The following SEMA3D variants were observed in gnomAD, a reference collection of about 807,000 sequenced individuals.
The protein encoded by SEMA3D is semaphorin-3D.
SEMA3D carries 84 observed loss-of-function variants against 100.1 expected under a neutral mutation model. The observed-to-expected ratio is 0.84, with a 90% CI of 0.70 to 1.01. The LOEUF (loss-of-function observed/expected upper bound fraction) is 1.01. SEMA3D is among the 50% of genes least tolerant of loss of function. SEMA3D has a pLI of 0.00. For missense variants in SEMA3D, 875 were observed against 934.1 expected, an observed-to-expected ratio of 0.94 and a Z score of 0.82; for synonymous variants, 312 against 320.7, an observed-to-expected ratio of 0.97 and a Z score of 0.29.
the SEMA3D span, among the ~76,000 whole-genome samples, chr7:85,246,604 G>A: frequency 6.6e-6 from 1 of 151,934 alleles, no homozygotes; most frequent in East Asian, 1.9e-4. Context: ...ATTTCTACTA[G>A]TTTGTGTAAA....
At chr7:85,020,876 T>C (rs1449674225) in intron 13 of SEMA3D, among the ~76,000 whole-genome samples, 1 of 151,576 alleles carries the variant, frequency 6.6e-6, no homozygotes, top group Non-Finnish European at 1.5e-5. Flanking sequence ...AGATGAGAAA[T>C]GGAAGGTTTG....
chr7:85,174,644 A>G (rs1039675634), intron 1 of SEMA3D, among the ~76,000 whole-genome samples: 2 of 152,134 alleles, frequency 1.3e-5, no homozygotes, highest in African/African-American at 4.8e-5. Flanking sequence ...AGTAAGGGAG[A>G]GGGCAAGAGC....
At chr7:85,045,820 G>T (rs1330144801) in intron 9 of SEMA3D, among the ~76,000 whole-genome samples, 1 of 151,714 alleles carries the variant, frequency 6.6e-6, no homozygotes, top group African/African-American at 2.4e-5. Context: ...TCTTTCTCAT[G>T]GCTCTTGATT....
At chr7:85,055,076 C>G (rs59006756) in intron 9 of SEMA3D, among the ~76,000 whole-genome samples, 38,715 of 151,626 alleles carry the variant, frequency 0.26, 5,026 homozygotes, top group Non-Finnish European at 0.3. Flanking sequence ...TTGTTTTTTC[C>G]TCTTTACCTC....
At chr7:85,069,881 T>A (rs77324342) in intron 6 of SEMA3D, among the ~76,000 whole-genome samples, 3,554 of 152,298 alleles carry the variant, frequency 0.023, 138 homozygotes, top group African/African-American at 0.08. Context: ...TATTATTTTA[T>A]AGAAATATGT....
chr7:85,246,232 T>C, the SEMA3D span, among the ~76,000 whole-genome samples: 2 of 152,234 alleles, frequency 1.3e-5, no homozygotes, highest in Non-Finnish European at 2.9e-5. Flanking sequence ...TCCAATAGTA[T>C]ATCTTTAAGC....
chr7:85,203,110 C>A, the SEMA3D span, among the ~76,000 whole-genome samples: 1 of 152,158 alleles, frequency 6.6e-6, no homozygotes, highest in Non-Finnish European at 1.5e-5. Context: ...CATATTGTCT[C>A]TCTTTTCTCA....
chr7:85,199,183 T>C, the SEMA3D span, among the ~76,000 whole-genome samples: 3 of 152,252 alleles, frequency 2.0e-5, no homozygotes, highest in South Asian at 4.1e-4. Context: ...CATGGTAATT[T>C]TGGGGATTTG....
At chr7:85,151,591 G>A (rs1790420298) in intron 2 of SEMA3D, 4 of 891,418 alleles carry the variant, frequency 4.5e-6, no homozygotes, top group African/African-American at 2.6e-5. Flanking sequence ...GTATGCATGT[G>A]TGTATGCGTG....
At chr7:85,025,668 A>G (rs1440368422) in intron 12 of SEMA3D, among the ~76,000 whole-genome samples, 1 of 152,028 alleles carries the variant, frequency 6.6e-6, no homozygotes, top group Non-Finnish European at 1.5e-5. Context: ...GACATGGCAA[A>G]AGAAAGACTG....
At chr7:85,227,045 G>A in the SEMA3D span, among the ~76,000 whole-genome samples, 1 of 151,870 alleles carries the variant, frequency 6.6e-6, no homozygotes, top group Non-Finnish European at 1.5e-5. Flanking sequence ...CCCTTTCCAC[G>A]GTTTATTTTC....
At chr7:85,027,016 T>C (rs1790409150) in intron 12 of SEMA3D, among the ~76,000 whole-genome samples, 1 of 152,056 alleles carries the variant, frequency 6.6e-6, no homozygotes, top group African/African-American at 2.4e-5. Context: ...GGAAACCCAA[T>C]TGTTGATATT....
the SEMA3D span, among the ~76,000 whole-genome samples, chr7:85,224,263 G>A: frequency 1.3e-5 from 2 of 152,104 alleles, no homozygotes; most frequent in African/African-American, 2.4e-5. Context: ...TGTATTTGTA[G>A]GTGAGAAAAC....
chr7:85,225,134 T>C, the SEMA3D span, among the ~76,000 whole-genome samples: 3 of 133,376 alleles, frequency 2.2e-5, no homozygotes, highest in African/African-American at 8.3e-5. Flanking sequence ...ATATAATAAA[T>C]ATATATATAA....
chr7:85,096,805 A>G (rs1424943831), intron 4 of SEMA3D, among the ~76,000 whole-genome samples: 1 of 151,884 alleles, frequency 6.6e-6, no homozygotes, highest in Non-Finnish European at 1.5e-5. Context: ...AAATCTCACA[A>G]TTAGAGGGTT....
chr7:85,220,526 G>T, the SEMA3D span, among the ~76,000 whole-genome samples: 104 of 152,034 alleles, frequency 6.8e-4, no homozygotes, highest in African/African-American at 2.3e-3. Flanking sequence ...ATTAAAAAAA[G>T]TCTGAGATTA....
intron 8 of SEMA3D, among the ~76,000 whole-genome samples, chr7:85,058,818 T>G (rs1041354370): frequency 6.6e-6 from 1 of 151,382 alleles, no homozygotes; most frequent in African/African-American, 2.4e-5. Flanking sequence ...TTCGGGTTTC[T>G]GAAATTCAAG....
intron 1 of SEMA3D, among the ~76,000 whole-genome samples, chr7:85,186,229 A>C (rs1791543658): frequency 6.6e-6 from 1 of 152,146 alleles, no homozygotes; most frequent in Non-Finnish European, 1.5e-5. Flanking sequence ...GATGTTCCCG[A>C]CTAAAGCGTC....
chr7:85,095,457 T>A (rs540400646), intron 4 of SEMA3D, among the ~76,000 whole-genome samples: 1 of 151,982 alleles, frequency 6.6e-6, no homozygotes, highest in Non-Finnish European at 1.5e-5. Context: ...CTCAATTATA[T>A]GTTGTAGATT....
Sources: allele counts gnomAD v4.1 joint callset (sites outside exome capture counted in the v4.1 genomes callset), GRCh38; gene constraint gnomAD v4.1.1; transcripts MANE v1.5; gene names NCBI Gene and HGNC (gene_info 2026-07-23, HGNC 2026-07-21).